The following LIPH variants were observed in gnomAD, a reference collection of about 807,000 sequenced individuals.
LIPH encodes lipase H.
LIPH carries 32 observed loss-of-function variants against 47.6 expected under a neutral mutation model. The ratio of observed to expected loss-of-function variants is 0.67; its 90% confidence interval spans 0.51 to 0.90. LIPH has a LOEUF of 0.90. Among genes scored for constraint, LIPH ranks in the 40% least tolerant of loss-of-function variants. LIPH has a pLI of 0.00. For missense variants in LIPH, 497 were observed against 541.4 expected (o/e 0.92, Z 0.81); for synonymous variants, 190 against 195.6 (o/e 0.97, Z 0.24).
intron 9 of LIPH, among the ~76,000 whole-genome samples, chr3:185,509,494 G>T (rs1291134712): frequency 3.3e-5 from 5 of 151,998 alleles, no homozygotes; most frequent in Non-Finnish European, 5.9e-5. Flanking sequence ...GCTGGGCGTG[G>T]TCGCGTGTGC....
chr3:185,540,864 C>T (rs774713840), intron 1 of LIPH, among the ~76,000 whole-genome samples: 3 of 152,124 alleles, frequency 2.0e-5, no homozygotes, highest in Non-Finnish European at 4.4e-5. Flanking sequence ...CACCAATGTG[C>T]AACCCCTGGC....
Position 185,527,089 on chromosome 3 carries a change from A to C in LIPH, c.628+395T>G, listed in dbSNP as rs371251468. Among the ~76,000 whole-genome samples, 10 of 152,254 alleles carry C rather than the reference A, an allele frequency of 6.6e-5. No homozygotes were observed. The East Asian group carries it at 1.5e-3, about 24-fold the overall frequency. On this transcript the variant is annotated intron_variant, in intron 4 of 9. Coordinates refer to ENST00000296252, the MANE Select transcript of LIPH (RefSeq NM_139248.3). Reference sequence around the variant, plus strand: ...CCCGTCTCTACTAAAAATACAAAAAATTAGCCAGGCGTGGCGGCGTGTGCC... The same window carrying C: ...CCCGTCTCTACTAAAAATACAAAAACTTAGCCAGGCGTGGCGGCGTGTGCC...
chr3:185,551,048 C>T (rs1227958198), intron 1 of LIPH, among the ~76,000 whole-genome samples: 2 of 152,120 alleles, frequency 1.3e-5, no homozygotes, highest in East Asian at 3.9e-4. Flanking sequence ...GTGGCGCACT[C>T]CTGTAGTCCC....
rs1020139659 is a variant in LIPH, at chr3:185,507,865, A to C, written c.*925T>G. ...CATAGATTACATTGGTAATAAAGAA[A>C]CATAAACATTTCTTAAGGGTTGCTT... On this transcript the variant is annotated 3_prime_UTR_variant, in exon 10 of 10. Transcript: ENST00000296252. 7 of 152,228 alleles carry C rather than the reference A, an allele frequency of 4.6e-5. No homozygotes were observed. Among genetic ancestry groups the C allele is most frequent in the African/African-American group, 1.7e-4 (7 of 41,448 alleles). The allele number at this position is 152,228 out of a possible 1,614,324, so 9.4% of individuals were successfully genotyped here.
intron 4 of LIPH, among the ~76,000 whole-genome samples, chr3:185,526,547 A>C (rs548636630): frequency 6.9e-6 from 1 of 144,190 alleles, no homozygotes; most frequent in Non-Finnish European, 1.5e-5. Context: ...AATAAAATAA[A>C]ATAAGATAAG....
At chr3:185,549,179 A>G (rs1261549400) in intron 1 of LIPH, among the ~76,000 whole-genome samples, 1 of 152,108 alleles carries the variant, frequency 6.6e-6, no homozygotes, top group Non-Finnish European at 1.5e-5. Context: ...CTGGGCGGAG[A>G]CAGGCAAGAA....
chr3:185,548,876 G>A (rs370018545), intron 1 of LIPH, among the ~76,000 whole-genome samples: 2 of 152,060 alleles, frequency 1.3e-5, no homozygotes, highest in South Asian at 2.1e-4. Flanking sequence ...GCTCACACCC[G>A]TAATCACAGC....
intron 1 of LIPH, among the ~76,000 whole-genome samples, chr3:185,550,083 T>C (rs548078661): frequency 3.6e-4 from 55 of 152,284 alleles, no homozygotes; most frequent in Non-Finnish European, 6.6e-4. Flanking sequence ...CTGAATGACT[T>C]GTATCCTTGG....
Position 185,514,499 on chromosome 3 carries a change from A to G in LIPH, c.1005T>C (p.Ile335=), listed in dbSNP as rs1420570209. ...PFCMYHYFVD[I]ITWNKNVRRG... ...TTCTTACATTCTTGTTCCATGTTAT[A>G]ATATCCACAAAGTAATGATACACTG... Residue 335 remains isoleucine, a synonymous_variant, in exon 8 of 10, where the codon ATT becomes ATC. Transcript: ENST00000296252. The G allele has an allele frequency of 6.9e-7, 1 of 1,457,660 alleles. No individual in the cohort carries two copies. 90.3% of individuals were successfully genotyped at this position (1,457,660 alleles called of 1,614,324 possible).
intron 4 of LIPH, among the ~76,000 whole-genome samples, chr3:185,526,673 TAATATAATATAATATAAAATAAATA>T (rs1560162992): frequency 3.2e-5 from 1 of 30,806 alleles, no homozygotes; most frequent in Non-Finnish European, 7.5e-5. Flanking sequence ...TAATATAATA[TAATATAATATAATATAAAATAAATA>T]AAATAAAATA....
intron 4 of LIPH, among the ~76,000 whole-genome samples, chr3:185,526,081 G>A (rs527826981): frequency 4.1e-4 from 62 of 152,044 alleles, no homozygotes; most frequent in Middle Eastern, 3.4e-3. Context: ...AAACAGCACC[G>A]TGAAAGACAG....
chr3:185,518,365 C>T (rs1490209212), intron 6 of LIPH, among the ~76,000 whole-genome samples: 5 of 151,848 alleles, frequency 3.3e-5, no homozygotes, highest in African/African-American at 7.3e-5. Flanking sequence ...CTGTATCCTC[C>T]GTCTCCCAGG....
intron 1 of LIPH, among the ~76,000 whole-genome samples, chr3:185,548,691 C>A (rs953558009): frequency 3.3e-5 from 5 of 152,086 alleles, no homozygotes; most frequent in South Asian, 2.1e-4. Flanking sequence ...CGTGCCACTG[C>A]ACTCTAGCCT....
chr3:185,535,234 A>T (rs2148959880), intron 1 of LIPH, 102 bp from the exon 2 acceptor site: 1 of 1,365,806 alleles, frequency 7.3e-7, no homozygotes, highest in Non-Finnish European at 1.0e-6. Context: ...TATGTTCCTG[A>T]TAGGACCTGG....
chr3:185,531,158 C>G (rs1156989133), intron 3 of LIPH, among the ~76,000 whole-genome samples: 1 of 152,196 alleles, frequency 6.6e-6, no homozygotes. Flanking sequence ...AAACCTAGCG[C>G]TAACCAGCTG....
intron 2 of LIPH, 45 bp from the exon 3 acceptor site, chr3:185,533,724 G>T: frequency 8.1e-7 from 1 of 1,232,608 alleles, no homozygotes; most frequent in South Asian, 1.2e-5. Flanking sequence ...AAGGGGCCAA[G>T]GAATTAACAT....
intron 9 of LIPH, 58 bp downstream of exon 9, chr3:185,511,465 AC>A: frequency 6.7e-7 from 1 of 1,491,504 alleles, no homozygotes; most frequent in South Asian, 1.1e-5. Context: ...AGCAGATTGG[AC>A]AGGATCCAGC....
intron 1 of LIPH, among the ~76,000 whole-genome samples, chr3:185,543,147 C>T (rs934538143): frequency 6.6e-6 from 1 of 151,818 alleles, no homozygotes; most frequent in East Asian, 1.9e-4. Context: ...AGGCAGAGGT[C>T]GCAGTGAGCT....
Position 185,534,765 on chromosome 3 carries a change from C to T in LIPH, c.417G>A (p.Leu139=). 6.2e-7 allele frequency: 1 copy of T among 1,613,160 alleles called. No individual in the cohort carries two copies. The highest frequency in any genetic ancestry group is 1.7e-5 in the Admixed American group (1 of 59,996). The change falls in exon 2 of 10, where the codon TTG becomes TTA. Residue 139 remains leucine, a splice_region_variant and synonymous_variant. Coordinates refer to ENST00000296252, the MANE Select transcript of LIPH (RefSeq NM_139248.3). ...MVLKEFIDQM[L]AEGASLDDIY... The stretch of plus-strand genomic sequence containing the variant: ...GAATCATCTAAGAGAATTCTCTTAC[C>T]AACATCTGGTCAATAAATTCCTTCA...
Sources: gnomAD v4.1 joint callset for allele counts (sites outside exome capture counted in the v4.1 genomes callset) on GRCh38, gnomAD v4.1.1 for gene constraint, MANE v1.5 for transcripts, NCBI Gene and HGNC (gene_info 2026-07-23, HGNC 2026-07-21) for gene names.